FILIP1: variants seen among roughly 807,000 people sequenced by gnomAD.
FILIP1 encodes filamin A interacting protein 1.
A neutral mutation model predicts 102.1 loss-of-function variants in FILIP1; 61 were observed. The ratio of observed to expected loss-of-function variants is 0.60; its 90% confidence interval spans 0.49 to 0.74. The LOEUF (loss-of-function observed/expected upper bound fraction) is 0.74. FILIP1 is among the 30% of genes least tolerant of loss of function. FILIP1 has a pLI of 0.00. For synonymous variants in FILIP1, 491 were observed against 526.9 expected, an observed-to-expected ratio of 0.93 and a Z score of 0.93; for missense variants, 1,314 against 1,441.2, an observed-to-expected ratio of 0.91 and a Z score of 1.43.
At chr6:75,455,933 A>C in intron 1 of FILIP1, among the ~76,000 whole-genome samples, 1 of 152,162 alleles carries the variant, frequency 6.6e-6, no homozygotes. Flanking sequence ...ATATAGTTAA[A>C]CTCATCTGCT....
At chr6:75,431,745 C>G (rs755757416) in intron 1 of FILIP1, among the ~76,000 whole-genome samples, 1 of 152,122 alleles carries the variant, frequency 6.6e-6, no homozygotes, top group Non-Finnish European at 1.5e-5. Flanking sequence ...GACTCCTGGG[C>G]CAACTGAGGT....
chr6:75,370,949 C>G (rs959816977), intron 2 of FILIP1, among the ~76,000 whole-genome samples: 2 of 152,016 alleles, frequency 1.3e-5, no homozygotes, highest in African/African-American at 4.8e-5. Flanking sequence ...TACATTCCAC[C>G]AGAATGTTGC....
At chr6:75,335,398 G>T (rs4324739) in intron 4 of FILIP1, among the ~76,000 whole-genome samples, 110,001 of 152,088 alleles carry the variant, frequency 0.72, 40,111 homozygotes, top group African/African-American at 0.82. Context: ...GTCTGTTTCA[G>T]CATTTATACA....
chr6:75,316,295 T>C (rs1300543043), intron 4 of FILIP1, among the ~76,000 whole-genome samples: 1 of 152,178 alleles, frequency 6.6e-6, no homozygotes, highest in Non-Finnish European at 1.5e-5. Context: ...TTTTAGTAAT[T>C]AATAGGTTTA....
At chr6:75,348,679 T>C (rs1282913691) in intron 4 of FILIP1, among the ~76,000 whole-genome samples, 1 of 152,222 alleles carries the variant, frequency 6.6e-6, no homozygotes, top group Non-Finnish European at 1.5e-5. Flanking sequence ...GGGAGTTAAT[T>C]TGGAGGAGGG....
At chr6:75,444,701 G>A (rs1455851221) in intron 1 of FILIP1, among the ~76,000 whole-genome samples, 1 of 152,046 alleles carries the variant, frequency 6.6e-6, no homozygotes, top group Non-Finnish European at 1.5e-5. Flanking sequence ...AAGCTTAAAT[G>A]GACCTGTTCC....
intron 1 of FILIP1, among the ~76,000 whole-genome samples, chr6:75,445,626 T>C (rs944787021): frequency 6.6e-6 from 1 of 152,238 alleles, no homozygotes; most frequent in South Asian, 2.1e-4. Context: ...AATTTTTTTT[T>C]TTTTTACTCC....
chr6:75,471,225 A>C (rs1274147351), intron 1 of FILIP1, among the ~76,000 whole-genome samples: 1 of 151,882 alleles, frequency 6.6e-6, no homozygotes, highest in East Asian at 1.9e-4. Flanking sequence ...CAGGAGTATA[A>C]AAGTGAAAAG....
intron 2 of FILIP1, among the ~76,000 whole-genome samples, chr6:75,393,167 C>T (rs922118670): frequency 6.6e-6 from 1 of 152,070 alleles, no homozygotes; most frequent in East Asian, 1.9e-4. Context: ...GGAAAGGATT[C>T]CTCCACTTTC....
chr6:75,353,702 C>G lies in FILIP1; in HGVS notation c.466G>C (p.Glu156Gln). The change falls in exon 4 of 6, where the codon GAA (glutamate) becomes CAA (glutamine). Residue 156 changes from glutamate to glutamine, a missense_variant. Around this residue, in one of 3 missense-constraint regions of FILIP1, gnomAD observed 494 missense variants for 511.2 expected, o/e 0.97. Coordinates refer to ENST00000237172, the MANE Select transcript of FILIP1 (RefSeq NM_015687.5). ...CGCCGGTAGGTTTCTTTCTGTTTTT[C>G]CTCAAGTCTGTCCAGCTGAATAAGC... ...KPISELDRLE[E>Q]KQKETYRRML... 1.2e-6 allele frequency: 2 copies of G among 1,613,606 alleles called. No homozygotes were observed. The highest frequency in any genetic ancestry group is 1.7e-6 in the Non-Finnish European group (2 of 1,180,016).
At chr6:75,332,239 A>G (rs1472564034) in intron 4 of FILIP1, among the ~76,000 whole-genome samples, 1 of 152,194 alleles carries the variant, frequency 6.6e-6, no homozygotes, top group East Asian at 1.9e-4. Context: ...GAGGACAACA[A>G]TATGCCTTTT....
Position 75,414,991 on chromosome 6 carries a change from C to A in FILIP1, c.-6-13G>T, listed in dbSNP as rs1264872313. On this transcript the variant is annotated splice_polypyrimidine_tract_variant and intron_variant, in intron 1 of 5. Transcript: ENST00000237172. ...ATCTCATTCCCACCTACAACACATA[C>A]ATAAAAAAAGATAAGATGTTCTTTA... 6.3e-7 allele frequency: 1 copy of A among 1,594,002 alleles called. No homozygotes were observed. The highest frequency in any genetic ancestry group is 8.5e-7 in the Non-Finnish European group (1 of 1,171,702).
intron 1 of FILIP1, among the ~76,000 whole-genome samples, chr6:75,431,510 C>CA (rs1777821974): frequency 6.6e-6 from 1 of 152,128 alleles, no homozygotes; most frequent in Non-Finnish European, 1.5e-5. Flanking sequence ...TAGCATGACT[C>CA]ACCATCCACA....
chr6:75,412,846 C>T (rs1777124357), intron 2 of FILIP1, among the ~76,000 whole-genome samples: 1 of 152,060 alleles, frequency 6.6e-6, no homozygotes, highest in African/African-American at 2.4e-5. Flanking sequence ...CTTAAAATAC[C>T]AGGTCCTTCA....
At position 75,320,173 on chromosome 6, in the gene FILIP1, C is replaced by T. The variant is rs191767640; in HGVS notation, c.630-4971G>A. On this transcript the variant is annotated intron_variant, in intron 4 of 5. Coordinates refer to ENST00000237172, the MANE Select transcript of FILIP1 (RefSeq NM_015687.5). ...CATGTTTGTCTTGTTTGCCCCCTTG[C>T]GTAATGCCTGACACATAGGATGTGC... 6.6e-5 allele frequency among the ~76,000 whole-genome samples: 10 copies of T among 152,256 alleles called. No homozygotes were observed. The East Asian group carries it at 1.2e-3, about 18-fold the overall frequency.
At chr6:75,394,644 A>G (rs1302376229) in intron 2 of FILIP1, among the ~76,000 whole-genome samples, 2 of 152,214 alleles carry the variant, frequency 1.3e-5, no homozygotes, top group Admixed American at 1.3e-4. Flanking sequence ...TAATCACAGA[A>G]AAAGCAATAC....
intron 1 of FILIP1, among the ~76,000 whole-genome samples, chr6:75,475,755 T>A (rs903613402): frequency 1.6e-4 from 24 of 152,130 alleles, no homozygotes; most frequent in Admixed American, 1.5e-3. Flanking sequence ...TGACAAGAGG[T>A]TAGATCATGT....
At chr6:75,395,759 T>C (rs1415078411) in intron 2 of FILIP1, among the ~76,000 whole-genome samples, 1 of 152,202 alleles carries the variant, frequency 6.6e-6, no homozygotes, top group East Asian at 1.9e-4. Context: ...GGAAAAGATA[T>C]TGTAGTGACA....
chr6:75,302,290 T>C (rs1182376921), intron 6 of FILIP1, among the ~76,000 whole-genome samples: 1 of 152,156 alleles, frequency 6.6e-6, no homozygotes, highest in Non-Finnish European at 1.5e-5. Context: ...TGCCATCTCA[T>C]TACCTGTGTG....
Sources: gnomAD v4.1 joint callset for allele counts (sites outside exome capture counted in the v4.1 genomes callset) on GRCh38, gnomAD v4.1.1 for gene constraint, gnomAD v4.1.1 regional missense constraint, MANE v1.5 for transcripts, NCBI Gene and HGNC (gene_info 2026-07-23, HGNC 2026-07-21) for gene names.